The following STAG1 variants were observed in gnomAD, a reference collection of about 807,000 sequenced individuals.
STAG1 encodes the protein STAG1 cohesin complex component.
STAG1 carries 26 observed loss-of-function variants against 170.9 expected under a neutral mutation model. The ratio of observed to expected loss-of-function variants is 0.15; its 90% CI spans 0.11 to 0.21. STAG1 has a LOEUF of 0.21. STAG1 is among the 10% of genes least tolerant of loss of function. STAG1 has a pLI of 1.00. For missense variants in STAG1, 964 were observed against 1,509.5 expected, an observed-to-expected ratio of 0.64 and a Z score of 5.99; for synonymous variants, 514 against 497.7, an observed-to-expected ratio of 1.03 and a Z score of -0.44.
chr3:136,641,553 C>T lies in STAG1; in HGVS notation c.-83-10572G>A, dbSNP rs923164354. Reference sequence around the variant, plus strand: ...AAAATGCATAACCTGAATTTAATCACAAGTATAATCAGATAAACCCAAACT... The same window carrying T: ...AAAATGCATAACCTGAATTTAATCATAAGTATAATCAGATAAACCCAAACT... On this transcript the variant is annotated intron_variant, in intron 1 of 33. Coordinates refer to ENST00000383202, the MANE Select transcript of STAG1 (RefSeq NM_005862.3). 3.3e-5 allele frequency among the ~76,000 whole-genome samples: 5 copies of T among 152,142 alleles called. 1 individual carries two copies. The South Asian group carries it at 6.2e-4, about 19-fold the overall frequency.
intron 20 of STAG1, among the ~76,000 whole-genome samples, chr3:136,420,244 C>CAAAAAAAAAAA (rs71157379): frequency 2.7e-5 from 1 of 36,956 alleles, no homozygotes; most frequent in Non-Finnish European, 5.3e-5. Flanking sequence ...GAGACTCTGT[C>CAAAAAAAAAAA]AAAAAAAAAA....
At chr3:136,622,135 TAAAAA>T (rs75542452) in intron 3 of STAG1, among the ~76,000 whole-genome samples, 1 of 92,816 alleles carries the variant, frequency 1.1e-5, no homozygotes, top group African/African-American at 4.6e-5. Context: ...CCATCTCTAC[TAAAAA>T]AAAAAAAAAA....
At chr3:136,502,492 A>G in intron 8 of STAG1, 136 bp downstream of exon 8, 1 of 948,918 alleles carries the variant, frequency 1.1e-6, no homozygotes, top group Non-Finnish European at 1.5e-6. Context: ...CTCCAGCTTC[A>G]TTTGGAAACC....
intron 4 of STAG1, among the ~76,000 whole-genome samples, chr3:136,574,021 T>G (rs375017909): frequency 7.9e-5 from 12 of 151,478 alleles, no homozygotes; most frequent in Admixed American, 2.0e-4. Context: ...GGCAGGCGGA[T>G]CAACAGGGCA....
At chr3:136,575,993 C>A (rs1193006718) in intron 4 of STAG1, among the ~76,000 whole-genome samples, 1 of 152,178 alleles carries the variant, frequency 6.6e-6, no homozygotes, top group East Asian at 1.9e-4. Context: ...CCTCTGCCTA[C>A]TAATATTTAT....
Position 136,625,555 on chromosome 3 carries a change from ATGCTT to A in STAG1, c.30-2312_30-2308del, listed in dbSNP as rs539021677. 7.2e-3 allele frequency among the ~76,000 whole-genome samples: 1,102 copies of A among 152,320 alleles called. 12 individuals carry two copies. Among genetic ancestry groups the A allele is most frequent in the African/African-American group, 0.024 (990 of 41,574 alleles). Reference sequence around the variant, plus strand: ...TAACTGATTTAAGTTATGCATACGTATGCTTTAAGTTATTATACAAATTTATTGTC... The same window carrying A: ...TAACTGATTTAAGTTATGCATACGTATAAGTTATTATACAAATTTATTGTC... On this transcript the variant is annotated intron_variant, in intron 2 of 33. Coordinates refer to ENST00000383202, the MANE Select transcript of STAG1 (RefSeq NM_005862.3).
intron 7 of STAG1, among the ~76,000 whole-genome samples, chr3:136,515,364 C>T (rs547358002): frequency 6.6e-4 from 101 of 152,220 alleles, no homozygotes; most frequent in African/African-American, 2.3e-3. Context: ...GACTCCATCT[C>T]AAAAACAACA....
chr3:136,741,459 T>C (rs1331635790), intron 1 of STAG1, among the ~76,000 whole-genome samples: 1 of 152,176 alleles, frequency 6.6e-6, no homozygotes, highest in Admixed American at 6.6e-5. Context: ...TCCACTTCCA[T>C]GTTGTTGGAA....
chr3:136,473,476 A>G, intron 11 of STAG1, 63 bp downstream of exon 11: 2 of 1,217,854 alleles, frequency 1.6e-6, no homozygotes, highest in South Asian at 2.5e-5. Flanking sequence ...AATTTGCTAA[A>G]CTAGCTGTAA....
intron 12 of STAG1, among the ~76,000 whole-genome samples, chr3:136,467,319 C>A (rs942671641): frequency 6.6e-6 from 1 of 151,896 alleles, no homozygotes; most frequent in Non-Finnish European, 1.5e-5. Context: ...GGAAGATCTA[C>A]CAAGCAAATG....
At chr3:136,731,214 G>A (rs1934020489) in intron 1 of STAG1, among the ~76,000 whole-genome samples, 1 of 151,674 alleles carries the variant, frequency 6.6e-6, no homozygotes, top group Non-Finnish European at 1.5e-5. Flanking sequence ...ACCACCTCAA[G>A]GCATTCATTA....
chr3:136,642,985 C>T (rs1940860455), intron 1 of STAG1, among the ~76,000 whole-genome samples: 1 of 152,198 alleles, frequency 6.6e-6, no homozygotes, highest in Admixed American at 6.5e-5. Flanking sequence ...TTCCCTGTGT[C>T]TGTCTTCTCT....
At chr3:136,466,289 A>G (rs1024431575) in intron 12 of STAG1, among the ~76,000 whole-genome samples, 1 of 152,220 alleles carries the variant, frequency 6.6e-6, no homozygotes, top group Non-Finnish European at 1.5e-5. Flanking sequence ...TAGAATAACC[A>G]GCGTAGAGAA....
chr3:136,546,435 C>T (rs576383307), intron 5 of STAG1, among the ~76,000 whole-genome samples: 4 of 152,038 alleles, frequency 2.6e-5, no homozygotes, highest in East Asian at 1.9e-4. Context: ...TAAAGAAAAT[C>T]GAGAACTCAG....
intron 14 of STAG1, among the ~76,000 whole-genome samples, chr3:136,446,868 C>T (rs1210422890): frequency 3.3e-5 from 5 of 151,704 alleles, no homozygotes; most frequent in Admixed American, 2.0e-4. Context: ...GGCGCAATCT[C>T]GGCTCACTGC....
At position 136,502,555 on chromosome 3, in the gene STAG1, T is replaced by C. The variant is rs529189037; in HGVS notation, c.828+73A>G. The C allele has an allele frequency of 1.3e-4, 187 of 1,467,456 alleles. No homozygotes were observed. The African/African-American group carries it at 2.5e-3, about 19-fold the overall frequency. 90.9% of individuals were successfully genotyped at this position (1,467,456 alleles called of 1,614,324 possible). A position where few individuals can be genotyped will look rare whatever the true frequency, so the allele number is the denominator to read the frequency against. ...ACACATAAACCTTTTTACAGGGAAC[T>C]TAAAAAGTACTAATGTCATATATAT... On this transcript the variant is annotated intron_variant, in intron 8 of 33. Transcript: ENST00000383202.
At chr3:136,358,397 GT>G (rs1936737389) in intron 27 of STAG1, among the ~76,000 whole-genome samples, 1 of 151,960 alleles carries the variant, frequency 6.6e-6, no homozygotes, top group East Asian at 1.9e-4. Context: ...ACTATGTGTA[GT>G]TTTTAGAGGT....
rs962391740 is a variant in STAG1 at position 136,423,059 on chromosome 3, G to A, written c.1651-15C>T. 7.1e-6 allele frequency: 11 copies of A among 1,547,888 alleles called. No individual in the cohort carries two copies. The highest frequency in any genetic ancestry group is 1.8e-5 in the Admixed American group (1 of 55,806). On this transcript the variant is annotated splice_polypyrimidine_tract_variant and intron_variant, in intron 16 of 33. Transcript: ENST00000383202. Reference sequence around the variant, plus strand: ...GCAGTTAGCACCTAGAAACAAAATCGGAAAAGAAGAAGAGTATTGTGTTAA... The same window carrying A: ...GCAGTTAGCACCTAGAAACAAAATCAGAAAAGAAGAAGAGTATTGTGTTAA...
chr3:136,424,017 C>T (rs974717904), intron 16 of STAG1, among the ~76,000 whole-genome samples: 1 of 152,090 alleles, frequency 6.6e-6, no homozygotes, highest in Non-Finnish European at 1.5e-5. Context: ...GTATGTCCTA[C>T]CATGCATGGC....
Sources: allele counts gnomAD v4.1 joint callset (sites outside exome capture counted in the v4.1 genomes callset), GRCh38; gene constraint gnomAD v4.1.1; transcripts MANE v1.5; gene names NCBI Gene and HGNC (gene_info 2026-07-23, HGNC 2026-07-21).